Variants in PHF5A observed in about 807,000 individuals in gnomAD.
PHF5A encodes PHD finger protein 5A.
For missense variants in PHF5A, 24 were observed against 140.6 expected (o/e 0.17, Z 4.19); for synonymous variants, 52 against 46.0 (o/e 1.13, Z -0.52).
chr22:41,463,345 C>T (rs1228132515), intron 3 of PHF5A, among the ~76,000 whole-genome samples: 2 of 149,196 alleles, frequency 1.3e-5, no homozygotes, highest in African/African-American at 2.5e-5. Flanking sequence ...AATCCCAGCA[C>T]TTTGGAAAGC....
chr22:41,468,312 A>G (rs895452419), intron 1 of PHF5A, 165 bp from the exon 2 acceptor site: 2 of 685,094 alleles, frequency 2.9e-6, no homozygotes, highest in Non-Finnish European at 5.0e-6. Context: ...CCAAACCTAC[A>G]TCCAAGCACC....
chr22:41,468,084 G>A (rs1601868500), intron 2 of PHF5A, 40 bp downstream of exon 2: 2 of 1,610,852 alleles, frequency 1.2e-6, no homozygotes, highest in Non-Finnish European at 1.7e-6. Flanking sequence ...AAAACTGGGA[G>A]TGGGAAGGGT....
At chr22:41,468,557 A>AAT (rs1188892080) in intron 1 of PHF5A, 45 bp downstream of exon 1, 21 of 1,607,870 alleles carry the variant, frequency 1.3e-5, no homozygotes, top group Non-Finnish European at 1.8e-5. Context: ...CCCAGCTCCT[A>AAT]ATACCACCCC....
intron 3 of PHF5A, among the ~76,000 whole-genome samples, chr22:41,460,967 G>T (rs1346048890): frequency 6.6e-6 from 1 of 152,154 alleles, no homozygotes; most frequent in Non-Finnish European, 1.5e-5. Flanking sequence ...GAGGTCAGAA[G>T]TTCGAGACCA....
rs748760308 is a variant in PHF5A at position 41,460,470 on chromosome 22, C to T, written c.261G>A (p.Lys87=). Residue 87 remains lysine (K), a synonymous_variant, in exon 4 of 4, where the codon AAG becomes AAA. Transcript: ENST00000216252. Reference sequence around the variant, plus strand: ...TCTTAGAGCTCCCCAGATTGACAATCTTTGGGCAGCCATCTCTCTGGAAAA... The same window carrying T: ...TCTTAGAGCTCCCCAGATTGACAATTTTTGGGCAGCCATCTCTCTGGAAAA... ...IQEKDRDGCP[K]IVNLGSSKTD... The T allele has an allele frequency of 6.3e-7, 1 of 1,599,134 alleles. No individual in the cohort carries two copies. Among genetic ancestry groups the T allele is most frequent in the East Asian group, 2.2e-5 (1 of 44,484 alleles).
Position 41,468,066 on chromosome 22 carries a change from T to A in PHF5A, c.76+58A>T, listed in dbSNP as rs768811022. On this transcript the variant is annotated intron_variant, in intron 2 of 3. Coordinates refer to ENST00000216252, the MANE Select transcript of PHF5A (RefSeq NM_032758.4). ...GCCCTCTTTGTGGCACTTTTGCTGGTTCCACAGAAAACTGGGAGTGGGAAG... is the reference window on the plus strand; with the variant it reads ...GCCCTCTTTGTGGCACTTTTGCTGGATCCACAGAAAACTGGGAGTGGGAAG... 121 of 1,592,498 alleles carry A rather than the reference T, an allele frequency of 7.6e-5. 2 individuals are homozygous for A. The highest frequency in any genetic ancestry group is 5.7e-4 in the Admixed American group (34 of 59,578).
chr22:41,468,450 C>G lies in PHF5A; in HGVS notation c.52+152G>C, dbSNP rs987797839. The G allele has an allele frequency of 4.5e-6, 4 of 890,060 alleles. No homozygotes were observed. The Admixed American group carries it at 7.5e-5, about 17-fold the overall frequency. 55.1% of individuals were successfully genotyped at this position (890,060 alleles called of 1,614,324 possible). On this transcript the variant is annotated intron_variant, in intron 1 of 3. Transcript: ENST00000216252. ...CCCGCCCTCTTCTCATCAGAGGCCACAAACCTGCGCGCTCCTACAACACCC... is the reference window on the plus strand; with the variant it reads ...CCCGCCCTCTTCTCATCAGAGGCCAGAAACCTGCGCGCTCCTACAACACCC...
chr22:41,461,127 C>A (rs1226417043), intron 3 of PHF5A, among the ~76,000 whole-genome samples: 1 of 152,000 alleles, frequency 6.6e-6, no homozygotes, highest in Non-Finnish European at 1.5e-5. Context: ...GAGCTGAGAT[C>A]ACGCCACAGC....
In PHF5A at chr22:41,467,442, A is replaced by G. The variant is rs778560408; in HGVS notation, c.243+6T>C. 8 of 1,613,568 alleles carry G rather than the reference A, an allele frequency of 5.0e-6. No homozygotes were observed. Among genetic ancestry groups the G allele is most frequent in the Non-Finnish European group, 5.9e-6 (7 of 1,179,920 alleles). On this transcript the variant is annotated splice_donor_region_variant and intron_variant, in intron 3 of 3. Transcript: ENST00000216252. ...GGAAAGGTCAGATGGAAAGCTGTAC[A>G]CTTACGTCCTTCTCCTGGATGGTGC...
intron 3 of PHF5A, among the ~76,000 whole-genome samples, chr22:41,461,002 G>A (rs1166968319): frequency 2.6e-5 from 4 of 151,942 alleles, no homozygotes; most frequent in Non-Finnish European, 4.4e-5. Context: ...GTAAAACCCC[G>A]TCTCTACTAA....
intron 1 of PHF5A, 200 bp from the exon 2 acceptor site, chr22:41,468,347 G>C: frequency 1.5e-6 from 1 of 653,972 alleles, no homozygotes; most frequent in Non-Finnish European, 2.6e-6. Context: ...CCAACGCCCT[G>C]GGCAAGCTCA....
At chr22:41,467,933 C>G (rs934849365) in intron 2 of PHF5A, 191 bp downstream of exon 2, 16 of 639,016 alleles carry the variant, frequency 2.5e-5, no homozygotes, top group African/African-American at 7.3e-5. Flanking sequence ...CCGTTGAAAA[C>G]TAGAGAGATA....
At chr22:41,461,037 G>C (rs2037823368) in intron 3 of PHF5A, among the ~76,000 whole-genome samples, 1 of 152,084 alleles carries the variant, frequency 6.6e-6, no homozygotes, top group African/African-American at 2.4e-5. Context: ...GCCAGACGTG[G>C]TGGTGCGTGC....
Position 41,465,690 on chromosome 22 carries a change from G to T in PHF5A, c.243+1758C>A, listed in dbSNP as rs375248428. ...AGGTCAGGAGTTTGAGTCCAACCTG[G>T]CCAGCATAGTGAAACCCCATCTCTA... On this transcript the variant is annotated intron_variant, in intron 3 of 3. Transcript: ENST00000216252. Among the ~76,000 whole-genome samples, 19 of 152,124 alleles carry T rather than the reference G, an allele frequency of 1.2e-4. No homozygotes were observed. The East Asian group carries it at 2.1e-3, about 17-fold the overall frequency.
In PHF5A at chr22:41,468,618, G is replaced by A. The variant is rs1218970095; in HGVS notation, c.36C>T (p.Arg12=). ...AKHHPDLIFC[R]KQAGVAIGRL... ...CAGTCTCACCAACACCAGCCTGCTT[G>A]CGGCAAAAGATCAAATCAGGATGAT... The change falls in exon 1 of 4, where the codon CGC becomes CGT. Residue 12 remains arginine, a synonymous_variant. Coordinates refer to ENST00000216252, the MANE Select transcript of PHF5A (RefSeq NM_032758.4). 3 of 1,614,134 alleles carry A rather than the reference G, an allele frequency of 1.9e-6. No homozygotes were observed. The highest frequency in any genetic ancestry group is 1.7e-5 in the Admixed American group (1 of 60,004).
chr22:41,464,079 G>A (rs2037847461), intron 3 of PHF5A, among the ~76,000 whole-genome samples: 1 of 152,156 alleles, frequency 6.6e-6, no homozygotes, highest in African/African-American at 2.4e-5. Flanking sequence ...CTTCATAAAT[G>A]TTAGTGCTAT....
intron 3 of PHF5A, among the ~76,000 whole-genome samples, chr22:41,466,696 AAT>A (rs955601306): frequency 1.3e-5 from 2 of 152,132 alleles, no homozygotes; most frequent in African/African-American, 2.4e-5. Flanking sequence ...ACTAATGAAA[AAT>A]ATGTTTTTTT....
chr22:41,468,307 C>T (rs954608782), intron 1 of PHF5A, 160 bp from the exon 2 acceptor site: 6 of 698,668 alleles, frequency 8.6e-6, no homozygotes, highest in African/African-American at 3.6e-5. Context: ...ATGAACCAAA[C>T]CTACATCCAA....
chr22:41,466,168 ACTTC>A (rs2037864941), intron 3 of PHF5A, among the ~76,000 whole-genome samples: 1 of 152,172 alleles, frequency 6.6e-6, no homozygotes, highest in Non-Finnish European at 1.5e-5. Context: ...ACTGTATCAT[ACTTC>A]CTTTTGTTTT....
Sources: allele counts gnomAD v4.1 joint callset (sites outside exome capture counted in the v4.1 genomes callset), GRCh38; gene constraint gnomAD v4.1.1; transcripts MANE v1.5; gene names NCBI Gene and HGNC (gene_info 2026-07-23, HGNC 2026-07-21).